CASK: variants seen among roughly 807,000 people sequenced by gnomAD.
CASK encodes the protein peripheral plasma membrane protein CASK.
In CASK, 4 loss-of-function variants were observed where a neutral mutation model predicts 82.9. The observed-to-expected ratio is 0.05, with a 90% CI of 0.02 to 0.11. CASK has a LOEUF of 0.11. CASK is among the 10% of genes least tolerant of loss of function. The pLI is 1.00. For synonymous variants in CASK, 259 were observed against 253.5 expected (o/e 1.02, Z -0.20); for missense variants, 358 against 720.9 (o/e 0.50, Z 5.76).
At chrX:41,823,002 G>A (rs1308716069) in intron 2 of CASK, among the ~76,000 whole-genome samples, 2 of 90,311 alleles carry the variant, frequency 2.2e-5, no homozygotes, top group Non-Finnish European at 4.2e-5. Flanking sequence ...GTTGATAAGC[G>A]CTGCTACAAA....
At chrX:41,521,852 C>G (rs1240142222) in intron 26 of CASK, among the ~76,000 whole-genome samples, 1 of 112,384 alleles carries the variant, frequency 8.9e-6, no homozygotes, top group Admixed American at 9.4e-5. Context: ...CCTGTAATTG[C>G]TGTGCCCCAG....
chrX:41,656,201 A>G (rs1050354973), intron 8 of CASK, among the ~76,000 whole-genome samples: 2 of 111,964 alleles, frequency 1.8e-5, no homozygotes, highest in Admixed American at 1.9e-4. Flanking sequence ...GTATCATTTC[A>G]GGCACAAAAT....
chrX:41,631,786 TA>T (rs901196512), intron 9 of CASK, among the ~76,000 whole-genome samples: 32 of 111,459 alleles, frequency 2.9e-4, no homozygotes, highest in Non-Finnish European at 7.5e-5. Flanking sequence ...ATGTATTTCT[TA>T]AAAAAAATCA....
intron 3 of CASK, among the ~76,000 whole-genome samples, chrX:41,770,755 T>C (rs1032138738): frequency 1.8e-5 from 2 of 110,509 alleles, no homozygotes; most frequent in Non-Finnish European, 3.8e-5. Flanking sequence ...AATTAACATT[T>C]AAAAATTAGT....
rs929318025 is a variant in CASK at position 41,537,993 on chromosome X, G to A, written c.2156-3020C>T. ...CCCAAGTAGCTGGGATTACAGGCGT[G>A]TGCCACCACACCCAGCTAATTTTTG... On this transcript the variant is annotated intron_variant, in intron 22 of 26. Transcript: ENST00000378163. 2.7e-5 allele frequency among the ~76,000 whole-genome samples: 3 copies of A among 109,837 alleles called. No homozygotes were observed. In the South Asian group the frequency reaches 1.2e-3, roughly 43 times the overall value.
At chrX:41,639,364 G>A (rs1488973542) in intron 8 of CASK, among the ~76,000 whole-genome samples, 1 of 107,930 alleles carries the variant, frequency 9.3e-6, no homozygotes, top group Admixed American at 1.0e-4. Context: ...GAGCCACCAC[G>A]CCCAGCCTTC....
intron 5 of CASK, among the ~76,000 whole-genome samples, chrX:41,738,424 T>A (rs760128750): frequency 8.9e-6 from 1 of 112,863 alleles, no homozygotes; most frequent in Non-Finnish European, 1.9e-5. Context: ...ATTTCTCCAG[T>A]GATTTTCATT....
intron 11 of CASK, among the ~76,000 whole-genome samples, chrX:41,621,136 AGAG>A (rs1460210182): frequency 9.1e-6 from 1 of 109,569 alleles, no homozygotes; most frequent in Non-Finnish European, 1.9e-5. Flanking sequence ...AAAAAAAAAA[AGAG>A]GAGCGCTAAA....
At chrX:41,859,561 T>A (rs1278783357) in intron 1 of CASK, among the ~76,000 whole-genome samples, 1 of 111,559 alleles carries the variant, frequency 9.0e-6, no homozygotes, top group Non-Finnish European at 1.9e-5. Context: ...ATTTAGAGCA[T>A]TTTTTTGCAT....
chrX:41,851,558 A>C (rs1030645269), intron 2 of CASK, among the ~76,000 whole-genome samples: 4 of 111,926 alleles, frequency 3.6e-5, no homozygotes, highest in Non-Finnish European at 7.5e-5. Context: ...AGCCAATGAG[A>C]AGGTAAGTAA....
In CASK at chrX:41,641,685, G is replaced by T. The variant is rs141370059; in HGVS notation, c.832-5024C>A. 4.8e-3 allele frequency among the ~76,000 whole-genome samples: 536 copies of T among 110,923 alleles called. 2 individuals carry two copies. Among genetic ancestry groups the T allele is most frequent in the African/African-American group, 0.017 (506 of 30,567 alleles). On this transcript the variant is annotated intron_variant, in intron 8 of 26. Coordinates refer to ENST00000378163, the MANE Select transcript of CASK (RefSeq NM_001367721.1). ...ACTTTTTTTTGGTGGTTTTATCAAA[G>T]AAATAATTCCTATCTTTTTTTTAAT...
intron 1 of CASK, among the ~76,000 whole-genome samples, chrX:41,857,952 T>A (rs1397603475): frequency 1.8e-5 from 2 of 112,027 alleles, no homozygotes; most frequent in African/African-American, 6.5e-5. Flanking sequence ...ACCATCATAA[T>A]CATGAAGGAA....
chrX:41,872,106 C>T (rs773087151), intron 1 of CASK, among the ~76,000 whole-genome samples: 4 of 112,575 alleles, frequency 3.6e-5, no homozygotes, highest in Non-Finnish European at 5.6e-5. Flanking sequence ...TTCGCTTACG[C>T]GTTGTGTATG....
At chrX:41,642,837 A>G (rs1183023714) in intron 8 of CASK, among the ~76,000 whole-genome samples, 1 of 111,850 alleles carries the variant, frequency 8.9e-6, no homozygotes, top group Admixed American at 9.5e-5. Context: ...CTATGTCCTG[A>G]ATGGTACTGT....
At chrX:41,707,034 A>C (rs2067898042) in intron 5 of CASK, among the ~76,000 whole-genome samples, 1 of 112,199 alleles carries the variant, frequency 8.9e-6, no homozygotes, top group Non-Finnish European at 1.9e-5. Flanking sequence ...GAGAAAATAT[A>C]ACAAGTCTAG....
chrX:41,613,053 G>T (rs1602349267), intron 11 of CASK, among the ~76,000 whole-genome samples: 1 of 109,766 alleles, frequency 9.1e-6, no homozygotes, highest in East Asian at 3.0e-4. Flanking sequence ...TCTGGGAGGT[G>T]AGGGGCGCCT....
chrX:41,650,428 C>CACAAAA (rs2066846504), intron 8 of CASK, among the ~76,000 whole-genome samples: 1 of 107,357 alleles, frequency 9.3e-6, no homozygotes, highest in South Asian at 3.9e-4. Flanking sequence ...AGGTGCATGG[C>CACAAAA]ATCATGCCTG....
intron 2 of CASK, among the ~76,000 whole-genome samples, chrX:41,839,642 T>C (rs2070996488): frequency 9.1e-6 from 1 of 110,229 alleles, no homozygotes; most frequent in East Asian, 2.9e-4. Flanking sequence ...TATATTTACC[T>C]TTCTTCCCTT....
intron 2 of CASK, among the ~76,000 whole-genome samples, chrX:41,797,424 A>G: frequency 9.0e-6 from 1 of 110,605 alleles, no homozygotes; most frequent in Middle Eastern, 4.2e-3. Flanking sequence ...CAATCTAGCA[A>G]CCGCCTCCAT....
Sources: gnomAD v4.1 joint callset for allele counts (sites outside exome capture counted in the v4.1 genomes callset) on GRCh38, gnomAD v4.1.1 for gene constraint, MANE v1.5 for transcripts, NCBI Gene and HGNC (gene_info 2026-07-23, HGNC 2026-07-21) for gene names.